The following LONRF1 variants were observed in gnomAD, a reference collection of about 807,000 sequenced individuals.
LONRF1 encodes LON peptidase N-terminal domain and RING finger protein 1.
A neutral mutation model predicts 85.8 loss-of-function variants in LONRF1; 37 were observed. The ratio of observed to expected loss-of-function variants is 0.43; its 90% CI spans 0.33 to 0.57. The LOEUF is 0.57. Ranked by LOEUF, LONRF1 falls within the 20% of genes least tolerant of loss-of-function variation. The probability of loss-of-function intolerance (pLI) is 0.04; values close to 1 mark genes in which losing one functional copy is unlikely to be tolerated. For missense variants in LONRF1, 1,036 were observed against 978.0 expected, an observed-to-expected ratio of 1.06 and a Z score of -0.79; for synonymous variants, 517 against 390.1, an observed-to-expected ratio of 1.33 and a Z score of -3.83.
In LONRF1 at chr8:12,737,163, G is replaced by T. The variant is rs748919481; in HGVS notation, c.1114-23C>A. ...ACTCTACAAAAATACAATAAACAAAGGTAACTGTATTTCTTTACTATCCTT... is the reference window on the plus strand; with the variant it reads ...ACTCTACAAAAATACAATAAACAAATGTAACTGTATTTCTTTACTATCCTT... On this transcript the variant is annotated intron_variant, in intron 4 of 11. Transcript: ENST00000398246. 7 of 1,605,452 alleles carry T rather than the reference G, an allele frequency of 4.4e-6. No homozygotes were observed. In the East Asian group the frequency reaches 1.6e-4, roughly 36 times the overall value.
In LONRF1 at chr8:12,742,263, C is replaced by A. The variant is rs573830258; in HGVS notation, c.840+901G>T. 3.9e-4 allele frequency among the ~76,000 whole-genome samples: 59 copies of A among 152,344 alleles called. 2 individuals are homozygous for A. In the South Asian group the frequency reaches 0.012, roughly 30 times the overall value. On this transcript the variant is annotated intron_variant, in intron 2 of 11. Transcript: ENST00000398246. ...TACTTTTTAGAGCAGCCTTACTACA[C>A]TGTCCTCAAAGACACAGTTTTGAAT...
At chr8:12,754,066 G>A (rs959796778) in intron 1 of LONRF1, 4 of 152,208 alleles carry the variant, frequency 2.6e-5, no homozygotes, top group South Asian at 2.1e-4. Context: ...GCGGCCTGCA[G>A]GGCCTCCCGG....
chr8:12,734,664 A>T (rs1214686552), intron 7 of LONRF1, among the ~76,000 whole-genome samples: 8 of 152,092 alleles, frequency 5.3e-5, no homozygotes, highest in Admixed American at 1.3e-4. Flanking sequence ...AGGAAGCTGT[A>T]CCTCCCTCTC....
At chr8:12,744,479 A>T (rs981680087) in intron 1 of LONRF1, among the ~76,000 whole-genome samples, 2 of 152,212 alleles carry the variant, frequency 1.3e-5, no homozygotes, top group Non-Finnish European at 2.9e-5. Flanking sequence ...AAAATGCATA[A>T]GAATTAAAAG....
At chr8:12,727,342 T>C (rs1798351732) in intron 10 of LONRF1, 1 of 150,660 alleles carries the variant, frequency 6.6e-6, no homozygotes, top group African/African-American at 2.4e-5. Context: ...TTTACTGTGA[T>C]AATTTTAACA....
rs1279156931 is a variant in LONRF1 at position 12,754,974 on chromosome 8, C to T, written c.447G>A (p.Arg149=). 3 of 1,491,924 alleles carry T rather than the reference C, an allele frequency of 2.0e-6. No homozygotes were observed. The highest frequency in any genetic ancestry group is 1.5e-5 in the African/African-American group (1 of 68,640). The allele number at this position is 1,491,924 out of a possible 1,614,324, so 92.4% of individuals were successfully genotyped here. A position where few individuals can be genotyped will look rare whatever the true frequency, so the allele number is the denominator to read the frequency against. ...AGAGGCGGCAGCGGGCGCGGAGTTC[C>T]CTCCGCAGGCAGCGGCGGCAGTAGC... ...GHSYCRRCLR[R]ELRARCRLCR... is the part of the protein sequence containing the mutation. Residue 149 remains arginine, a synonymous_variant, in exon 1 of 12, where the codon AGG becomes AGA. Coordinates refer to ENST00000398246, the MANE Select transcript of LONRF1 (RefSeq NM_152271.5).
chr8:12,743,782 T>C, intron 1 of LONRF1, among the ~76,000 whole-genome samples: 1 of 152,178 alleles, frequency 6.6e-6, no homozygotes, highest in South Asian at 2.1e-4. Flanking sequence ...GTAGTCTTGA[T>C]TCTGGAGGAA....
chr8:12,729,253 T>G lies in LONRF1; in HGVS notation c.1768A>C (p.Arg590=), dbSNP rs1409987969. ...VPCPLHVFEP[R]YRLMIRRSIQ... ...CTTCTTCGAATCATCAATCTGTATCTTGGCTCAAATACATGGAGAGGGCAA... is the reference window on the plus strand; with the variant it reads ...CTTCTTCGAATCATCAATCTGTATCGTGGCTCAAATACATGGAGAGGGCAA... Residue 590 remains arginine, a synonymous_variant, in exon 9 of 12, where the codon AGA becomes CGA. Transcript: ENST00000398246. 5.6e-6 allele frequency: 9 copies of G among 1,613,904 alleles called. No homozygotes were observed. The Admixed American group carries it at 8.3e-5, about 15-fold the overall frequency.
intron 2 of LONRF1, among the ~76,000 whole-genome samples, chr8:12,742,040 A>G (rs974540830): frequency 4.6e-5 from 7 of 152,210 alleles, no homozygotes; most frequent in African/African-American, 1.7e-4. Context: ...TTCTAGCCAA[A>G]CAGTTTTTTA....
chr8:12,728,945 C>T lies in LONRF1; in HGVS notation c.1966G>A (p.Asp656Asn). ...RFRVLKRGMK[D>N]GYCTADIEYL... is the part of the protein sequence containing the mutation. ...TCAATGTCGGCAGTGCAATATCCAT[C>T]TTTCATTCCTCTTTTTAAAACCCTA... Residue 656 changes from aspartate (D) to asparagine (N), a missense_variant, in exon 10 of 12, where the codon GAT becomes AAT. By Grantham distance (23) the Asp-to-Asn change is conservative. Coordinates refer to ENST00000398246, the MANE Select transcript of LONRF1 (RefSeq NM_152271.5). The T allele has an allele frequency of 6.2e-7, 1 of 1,614,006 alleles. No homozygotes were observed.
intron 10 of LONRF1, 86 bp downstream of exon 10, chr8:12,728,815 T>C (rs7820783): frequency 5.4e-6 from 8 of 1,472,248 alleles, no homozygotes; most frequent in East Asian, 4.5e-5. Context: ...AACTGGTTCA[T>C]GCACCTAGAA....
chr8:12,737,031 A>C lies in LONRF1; in HGVS notation c.1223T>G (p.Leu408Ter). 1 of 1,613,678 alleles carries C rather than the reference A, an allele frequency of 6.2e-7. No individual in the cohort carries two copies. The highest frequency in any genetic ancestry group is 8.5e-7 in the Non-Finnish European group (1 of 1,179,726). Residue 408 changes from leucine to a stop codon, truncating the protein, a stop_gained, in exon 5 of 12, where the codon TTA (leucine) becomes TGA (stop). Coordinates refer to ENST00000398246, the MANE Select transcript of LONRF1 (RefSeq NM_152271.5). LOFTEE classifies it high-confidence loss of function. ...AACAGGTTCTGAGGACACTCTTTTT[A>C]AACAGTCCTCTCTGGCAGGCATTTC... ...STEMPAREDCLKRVSSEPVLS... is the reference protein window; with the variant it reads ...STEMPAREDC
At chr8:12,749,743 G>GA (rs1370878469) in intron 1 of LONRF1, among the ~76,000 whole-genome samples, 1 of 151,592 alleles carries the variant, frequency 6.6e-6, no homozygotes, top group African/African-American at 2.4e-5. Context: ...GAGGCACTAA[G>GA]AAAAAAAATC....
At chr8:12,742,623 G>A (rs557309208) in intron 2 of LONRF1, among the ~76,000 whole-genome samples, 1 of 152,106 alleles carries the variant, frequency 6.6e-6, no homozygotes, top group Non-Finnish European at 1.5e-5. Context: ...CAGACATTTT[G>A]TATAATAAAG....
At chr8:12,725,975 A>G in intron 10 of LONRF1, 96 bp from the exon 11 acceptor site, 1 of 1,124,228 alleles carries the variant, frequency 8.9e-7, no homozygotes, top group Non-Finnish European at 1.3e-6. Context: ...TCAGAAGAAC[A>G]GGGCAATACC....
chr8:12,727,803 C>A (rs1041089175), intron 10 of LONRF1, among the ~76,000 whole-genome samples: 2 of 152,178 alleles, frequency 1.3e-5, no homozygotes, highest in Admixed American at 6.5e-5. Context: ...TTTCGGCCAA[C>A]TGCACAAGAC....
chr8:12,753,026 C>T (rs1450869510), intron 1 of LONRF1: 1 of 152,236 alleles, frequency 6.6e-6, no homozygotes, highest in Non-Finnish European at 1.5e-5. Flanking sequence ...AAAATCACAC[C>T]ATGGTCAGTT....
At chr8:12,731,550 C>T (rs765927446) in intron 8 of LONRF1, among the ~76,000 whole-genome samples, 186 bp downstream of exon 8, 19 of 152,110 alleles carry the variant, frequency 1.2e-4, no homozygotes, top group Non-Finnish European at 2.2e-4. Context: ...CAATAACTCC[C>T]TATAAAACAT....
chr8:12,746,885 A>G (rs1290928502), intron 1 of LONRF1, among the ~76,000 whole-genome samples: 1 of 152,190 alleles, frequency 6.6e-6, no homozygotes, highest in African/African-American at 2.4e-5. Flanking sequence ...GGCTTACTCT[A>G]GAGAGTAAGT....
Sources: gnomAD v4.1 joint callset for allele counts (sites outside exome capture counted in the v4.1 genomes callset) on GRCh38, gnomAD v4.1.1 for gene constraint, MANE v1.5 for transcripts, NCBI Gene and HGNC (gene_info 2026-07-23, HGNC 2026-07-21) for gene names.